RAB3GAP1: variants seen among roughly 807,000 people sequenced by gnomAD.
RAB3GAP1 encodes rab3 GTPase-activating protein catalytic subunit.
A neutral mutation model predicts 130.7 loss-of-function variants in RAB3GAP1; 86 were observed. The ratio of observed to expected loss-of-function variants is 0.66; its 90% CI spans 0.55 to 0.79. RAB3GAP1 has a LOEUF of 0.79. Among genes scored for constraint, RAB3GAP1 ranks in the 30% least tolerant of loss-of-function variants. The probability of loss-of-function intolerance (pLI) is 0.00; values close to 1 mark genes in which losing one functional copy is unlikely to be tolerated. For missense variants in RAB3GAP1, 1,029 were observed against 1,169.4 expected, an observed-to-expected ratio of 0.88 and a Z score of 1.75; for synonymous variants, 367 against 401.7, an observed-to-expected ratio of 0.91 and a Z score of 1.03.
intron 3 of RAB3GAP1, among the ~76,000 whole-genome samples, chr2:135,071,904 ATCTTTCTT>A (rs200105104): frequency 6.6e-5 from 10 of 151,976 alleles, no homozygotes; most frequent in South Asian, 2.1e-4. Context: ...ATTGTATTGA[ATCTTTCTT>A]TCTTTCTTTC....
chr2:135,095,281 C>T (rs1690260405), intron 5 of RAB3GAP1, among the ~76,000 whole-genome samples: 1 of 152,162 alleles, frequency 6.6e-6, no homozygotes, highest in Non-Finnish European at 1.5e-5. Context: ...ATCTCCTGAC[C>T]TCGTGATCCG....
chr2:135,073,498 T>C (rs1363131327), intron 3 of RAB3GAP1, among the ~76,000 whole-genome samples: 4 of 152,324 alleles, frequency 2.6e-5, no homozygotes, highest in East Asian at 3.9e-4. Context: ...CCATTTTTAA[T>C]GGCTGAGCAT....
chr2:135,078,940 T>A (rs1689709442), intron 3 of RAB3GAP1, among the ~76,000 whole-genome samples: 1 of 152,178 alleles, frequency 6.6e-6, no homozygotes, highest in Non-Finnish European at 1.5e-5. Context: ...CGATCTTGGC[T>A]CACTGCAACC....
chr2:135,092,895 A>G (rs1690187838), intron 4 of RAB3GAP1, among the ~76,000 whole-genome samples: 1 of 152,228 alleles, frequency 6.6e-6, no homozygotes, highest in African/African-American at 2.4e-5. Context: ...TTAAAACTAT[A>G]TTATCAGAGG....
At chr2:135,159,652 A>G (rs1189578350) in intron 19 of RAB3GAP1, among the ~76,000 whole-genome samples, 3 of 152,232 alleles carry the variant, frequency 2.0e-5, no homozygotes, top group African/African-American at 4.8e-5. Context: ...GGAAAATGAC[A>G]TTAGATAAAA....
downstream of RAB3GAP1, among the ~76,000 whole-genome samples, chr2:135,175,052 G>A (rs547426170): frequency 6.6e-6 from 1 of 152,270 alleles, no homozygotes; most frequent in Admixed American, 6.5e-5. Flanking sequence ...TTACTTTGGG[G>A]AAAAAAACAC....
chr2:135,167,841 C>G (rs77800947), intron 23 of RAB3GAP1: 1 of 692,758 alleles, frequency 1.4e-6, no homozygotes, highest in African/African-American at 1.9e-5. Flanking sequence ...TGATGTTTAG[C>G]GCAACATGAT....
chr2:135,109,973 G>A (rs1046452374), intron 5 of RAB3GAP1, among the ~76,000 whole-genome samples: 1 of 151,450 alleles, frequency 6.6e-6, no homozygotes, highest in South Asian at 2.1e-4. Context: ...GTTGATTTTC[G>A]CTTATTTTTT....
chr2:135,169,673 T>G lies in RAB3GAP1; in HGVS notation c.*892T>G. 1 of 452,470 alleles carries G rather than the reference T, an allele frequency of 2.2e-6. No individual in the cohort carries two copies. The highest frequency in any genetic ancestry group is 7.0e-5 in the East Asian group (1 of 14,290). 28.0% of individuals were successfully genotyped at this position (452,470 alleles called of 1,614,324 possible). ...GTCATGCAGATAGTATAATTTGGTA[T>G]ATGTGCTAATGCATTGAGTAGAGGA... On this transcript the variant is annotated 3_prime_UTR_variant, in exon 24 of 24. Coordinates refer to ENST00000264158, the MANE Select transcript of RAB3GAP1 (RefSeq NM_012233.3).
chr2:135,070,772 G>A (rs1234444522), intron 3 of RAB3GAP1, among the ~76,000 whole-genome samples: 1 of 152,074 alleles, frequency 6.6e-6, no homozygotes, highest in African/African-American at 2.4e-5. Context: ...GATTACAAGC[G>A]TGAGCCACCA....
chr2:135,142,090 A>G (rs1691860697), intron 17 of RAB3GAP1, among the ~76,000 whole-genome samples: 1 of 152,176 alleles, frequency 6.6e-6, no homozygotes, highest in South Asian at 2.1e-4. Flanking sequence ...CATATTCAAA[A>G]TCTTGCTGGG....
At chr2:135,116,490 C>T (rs1416242286) in intron 7 of RAB3GAP1, among the ~76,000 whole-genome samples, 1 of 152,010 alleles carries the variant, frequency 6.6e-6, no homozygotes, top group Non-Finnish European at 1.5e-5. Flanking sequence ...GAAAATGGAA[C>T]CTGACAGCTA....
At chr2:135,080,384 T>C (rs1689759409) in intron 3 of RAB3GAP1, among the ~76,000 whole-genome samples, 1 of 152,144 alleles carries the variant, frequency 6.6e-6, no homozygotes, top group East Asian at 1.9e-4. Flanking sequence ...TATGAGCAGA[T>C]GAGAAGATCA....
In RAB3GAP1 at chr2:135,150,480, C is replaced by G; in HGVS notation, c.2035C>G (p.Leu679Val). 6.2e-7 allele frequency: 1 copy of G among 1,614,158 alleles called. No individual in the cohort carries two copies. The highest frequency in any genetic ancestry group is 1.1e-5 in the South Asian group (1 of 91,086). ...HLRARMQSAC[L>V]LSDMESFKAA... is the part of the protein sequence containing the mutation. ...TCGAGCACGCATGCAGAGTGCCTGT[C>G]TGCTCTCAGATATGGAGTCTTTTAA... The change falls in exon 18 of 24, where the codon CTG (leucine) becomes GTG (valine). Residue 679 changes from leucine to valine, a missense_variant. Leu to Val is a conservative substitution (Grantham distance 32). This residue lies in a region of RAB3GAP1 where 373 missense variants were observed against 493.6 expected (regional missense o/e 0.76). Transcript: ENST00000264158.
intron 14 of RAB3GAP1, 32 bp from the exon 15 acceptor site, chr2:135,133,829 A>T (rs766805513): frequency 3.9e-5 from 62 of 1,597,382 alleles, no homozygotes; most frequent in Non-Finnish European, 5.1e-5. Context: ...TTTGGTAACA[A>T]GTTTGCTTTG....
chr2:135,165,512 T>A (rs1692615019), intron 23 of RAB3GAP1, among the ~76,000 whole-genome samples: 1 of 152,258 alleles, frequency 6.6e-6, no homozygotes, highest in African/African-American at 2.4e-5. Flanking sequence ...AACAACTGGA[T>A]AATCCCTGTA....
At chr2:135,104,911 A>G (rs896685224) in intron 5 of RAB3GAP1, among the ~76,000 whole-genome samples, 1 of 152,044 alleles carries the variant, frequency 6.6e-6, no homozygotes, top group Admixed American at 6.5e-5. Context: ...CAAACAAAAA[A>G]ACAAATGGAA....
At chr2:135,174,549 G>T (rs1692951179), downstream of RAB3GAP1, among the ~76,000 whole-genome samples, 1 of 152,150 alleles carries the variant, frequency 6.6e-6, no homozygotes, top group African/African-American at 2.4e-5. Context: ...TGGCCAGATG[G>T]GACACCATCA....
chr2:135,118,747 A>C (rs949933923), intron 7 of RAB3GAP1, among the ~76,000 whole-genome samples: 2 of 152,012 alleles, frequency 1.3e-5, no homozygotes, highest in Non-Finnish European at 2.9e-5. Flanking sequence ...GCTCTGTAGT[A>C]ATGTTGGGGA....
Sources: gnomAD v4.1 joint callset for allele counts (sites outside exome capture counted in the v4.1 genomes callset) on GRCh38, gnomAD v4.1.1 for gene constraint, gnomAD v4.1.1 regional missense constraint, MANE v1.5 for transcripts, NCBI Gene and HGNC (gene_info 2026-07-23, HGNC 2026-07-21) for gene names.